VIT: variants seen among roughly 807,000 people sequenced by gnomAD.
VIT encodes the protein vitrin.
VIT carries 99 observed loss-of-function variants against 78.0 expected under a neutral mutation model. The ratio of observed to expected loss-of-function variants is 1.27; its 90% confidence interval spans 1.08 to 1.50. The LOEUF (loss-of-function observed/expected upper bound fraction) is 1.50, where lower values mean the gene tolerates loss of function less well. VIT is among the 40% of genes most tolerant of loss of function. VIT has a pLI of 0.00. For synonymous variants in VIT, 374 were observed against 334.3 expected (o/e 1.12, Z -1.29); for missense variants, 1,126 against 875.3 (o/e 1.29, Z -3.61).
intron 9 of VIT, among the ~76,000 whole-genome samples, chr2:36,779,563 G>A (rs763814008): frequency 9.9e-5 from 15 of 152,010 alleles, no homozygotes; most frequent in Admixed American, 8.5e-4. Flanking sequence ...CAGATCATCC[G>A]ATCACCTAGG....
At chr2:36,756,022 A>C (rs1452692089) in intron 5 of VIT, among the ~76,000 whole-genome samples, 1 of 136,816 alleles carries the variant, frequency 7.3e-6, no homozygotes. Context: ...TAATGACACG[A>C]TCTCGGCTCA....
chr2:36,705,717 A>C (rs1665374026), intron 1 of VIT, among the ~76,000 whole-genome samples: 1 of 152,222 alleles, frequency 6.6e-6, no homozygotes, highest in South Asian at 2.1e-4. Flanking sequence ...GTTATCACAA[A>C]AGTACATAGA....
intron 2 of VIT, among the ~76,000 whole-genome samples, chr2:36,719,173 G>C (rs565416377): frequency 1.1e-4 from 17 of 152,294 alleles, no homozygotes; most frequent in African/African-American, 3.8e-4. Flanking sequence ...AGTAGAAAAA[G>C]GAGACTCCTA....
intron 9 of VIT, among the ~76,000 whole-genome samples, chr2:36,780,220 AG>A (rs1664654391): frequency 6.6e-6 from 1 of 152,236 alleles, no homozygotes; most frequent in South Asian, 2.1e-4. Flanking sequence ...GACAGGAGCA[AG>A]AGGCTTGGAA....
In VIT at chr2:36,773,857, T is replaced by C. The variant is rs1386442230; in HGVS notation, c.736+10T>C. 1.3e-6 allele frequency: 2 copies of C among 1,585,320 alleles called. No homozygotes were observed. Among genetic ancestry groups the C allele is most frequent in the Non-Finnish European group, 1.7e-6 (2 of 1,164,122 alleles). ...CCCAGAGCTGATCCAGGTAAGACCT[T>C]AAACTCCCTTTCCAGCCACTGATGA... On this transcript the variant is annotated intron_variant, in intron 8 of 15. Transcript: ENST00000379242.
At chr2:36,766,408 T>G (rs1450459635) in intron 6 of VIT, among the ~76,000 whole-genome samples, 2 of 152,162 alleles carry the variant, frequency 1.3e-5, no homozygotes, top group Non-Finnish European at 2.9e-5. Flanking sequence ...GTCTTGCACC[T>G]GTAGTCCCAG....
Position 36,805,758 on chromosome 2 carries a change from T to G in VIT, c.1389+94T>G, listed in dbSNP as rs1046734448. On this transcript the variant is annotated intron_variant, in intron 14 of 15. Transcript: ENST00000379242. ...GCAGTGGTTTTCCCATGCCTTTAAA[T>G]GTGCATGAAGCTCATCTCTAGGCAG... 2.2e-6 allele frequency: 3 copies of G among 1,353,334 alleles called. 1 individual carries two copies. The Admixed American group carries it at 6.5e-5, about 29-fold the overall frequency. The allele number at this position is 1,353,334 out of a possible 1,614,324, so 83.8% of individuals were successfully genotyped here.
In VIT at chr2:36,811,827, C is replaced by A. The variant is rs537910713; in HGVS notation, c.1904-2356C>A. Among the ~76,000 whole-genome samples, 6 of 152,138 alleles carry A rather than the reference C, an allele frequency of 3.9e-5. No homozygotes were observed. The East Asian group carries it at 1.2e-3, about 29-fold the overall frequency. ...AGCTGGAATTACAGGAACCTGCCAC[C>A]ACACCCAGCTAATTTTTTTTGTATT... On this transcript the variant is annotated intron_variant, in intron 15 of 15. Transcript: ENST00000379242.
At chr2:36,741,242 T>C (rs546911516) in intron 3 of VIT, among the ~76,000 whole-genome samples, 47 of 152,272 alleles carry the variant, frequency 3.1e-4, no homozygotes, top group African/African-American at 1.1e-3. Flanking sequence ...AAAAATACTC[T>C]GAGACTCATA....
intron 1 of VIT, among the ~76,000 whole-genome samples, chr2:36,708,259 G>T (rs1027791071): frequency 6.6e-6 from 1 of 152,110 alleles, no homozygotes; most frequent in Non-Finnish European, 1.5e-5. Flanking sequence ...AGAGATGTCT[G>T]TCCCCAAGGG....
intron 12 of VIT, among the ~76,000 whole-genome samples, chr2:36,791,897 C>T (rs1007494176): frequency 2.6e-5 from 4 of 151,944 alleles, no homozygotes; most frequent in Non-Finnish European, 5.9e-5. Flanking sequence ...ATACAACTGG[C>T]AACGAGGACC....
chr2:36,786,669 C>T (rs1360981848), intron 11 of VIT, among the ~76,000 whole-genome samples: 1 of 152,148 alleles, frequency 6.6e-6, no homozygotes, highest in African/African-American at 2.4e-5. Flanking sequence ...TAATTCCTGC[C>T]CTCCCTCAGT....
chr2:36,760,920 A>G (rs984457295), intron 6 of VIT, among the ~76,000 whole-genome samples: 1 of 152,108 alleles, frequency 6.6e-6, no homozygotes, highest in African/African-American at 2.4e-5. Context: ...ATTTTGCTGC[A>G]TGAGCCCTGC....
At chr2:36,774,082 T>G (rs1163875006) in intron 8 of VIT, among the ~76,000 whole-genome samples, 2 of 152,158 alleles carry the variant, frequency 1.3e-5, no homozygotes, top group Non-Finnish European at 2.9e-5. Flanking sequence ...GTAGAGGTTG[T>G]GATAGGAATG....
intron 3 of VIT, among the ~76,000 whole-genome samples, chr2:36,738,049 G>C (rs187255453): frequency 1.3e-5 from 2 of 152,334 alleles, no homozygotes; most frequent in East Asian, 3.9e-4. Flanking sequence ...CGCTAGAAGA[G>C]TTACTTTGCA....
At chr2:36,708,017 C>T (rs191483489) in intron 1 of VIT, among the ~76,000 whole-genome samples, 11 of 152,058 alleles carry the variant, frequency 7.2e-5, no homozygotes, top group South Asian at 2.1e-4. Flanking sequence ...GTTGTGGCAA[C>T]GGGAAATGCA....
At chr2:36,772,635 A>T (rs1271137744) in intron 7 of VIT, among the ~76,000 whole-genome samples, 1 of 152,244 alleles carries the variant, frequency 6.6e-6, no homozygotes, top group African/African-American at 2.4e-5. Flanking sequence ...TGAGCCCAGG[A>T]GTTCAAGGCT....
At chr2:36,753,311 C>T (rs571810155) in intron 4 of VIT, among the ~76,000 whole-genome samples, 71 of 152,162 alleles carry the variant, frequency 4.7e-4, no homozygotes, top group Middle Eastern at 3.4e-3. Flanking sequence ...CACCATGGCA[C>T]GTGCTTACTT....
At chr2:36,698,778 T>A (rs889635054) in intron 1 of VIT, among the ~76,000 whole-genome samples, 1 of 151,938 alleles carries the variant, frequency 6.6e-6, no homozygotes, top group Admixed American at 6.6e-5. Flanking sequence ...ACCCCATCTC[T>A]ACCAAAAATA....
Sources: gnomAD v4.1 joint callset for allele counts (sites outside exome capture counted in the v4.1 genomes callset) on GRCh38, gnomAD v4.1.1 for gene constraint, MANE v1.5 for transcripts, NCBI Gene and HGNC (gene_info 2026-07-23, HGNC 2026-07-21) for gene names.